Variants in WEE1 observed in about 807,000 individuals in gnomAD.
WEE1 encodes WEE1 G2 checkpoint kinase, also known as wee1-like protein kinase.
In WEE1, 16 loss-of-function variants were observed where a neutral mutation model predicts 68.8. That is an observed-to-expected ratio of 0.23 (90% CI 0.16 to 0.35). WEE1 has a LOEUF of 0.35. WEE1 is among the 10% of genes least tolerant of loss of function. The probability of loss-of-function intolerance (pLI) is 1.00; values close to 1 mark genes in which losing one functional copy is unlikely to be tolerated. For missense variants in WEE1, 651 were observed against 824.1 expected (o/e 0.79, Z 2.57); for synonymous variants, 349 against 318.7 (o/e 1.09, Z -1.01).
In WEE1 at chr11:9,588,866, G is replaced by A; in HGVS notation, c.*264G>A. 1.9e-6 allele frequency: 2 copies of A among 1,057,612 alleles called. No individual in the cohort carries two copies. The highest frequency in any genetic ancestry group is 6.9e-5 in the East Asian group (1 of 14,560). The allele number at this position is 1,057,612 out of a possible 1,614,324, so 65.5% of individuals were successfully genotyped here. A position where few individuals can be genotyped will look rare whatever the true frequency, so the allele number is the denominator to read the frequency against. ...TTCCAGGGTTAACCACTGTGGTGGTGTGCTGCTTATAGTTTGCTGTTGCAT... is the reference window on the plus strand; with the variant it reads ...TTCCAGGGTTAACCACTGTGGTGGTATGCTGCTTATAGTTTGCTGTTGCAT... On this transcript the variant is annotated 3_prime_UTR_variant, in exon 11 of 11. Coordinates refer to ENST00000450114, the MANE Select transcript of WEE1 (RefSeq NM_003390.4).
chr11:9,589,271 T>C lies in WEE1; in HGVS notation c.*669T>C. Reference sequence around the variant, plus strand: ...CTGCTTTTGATGAAAAGCAGCTATTTGCCTTTTTTTTTTTTTCCTTTGAAC... The same window carrying C: ...CTGCTTTTGATGAAAAGCAGCTATTCGCCTTTTTTTTTTTTTCCTTTGAAC... On this transcript the variant is annotated 3_prime_UTR_variant, in exon 11 of 11. Transcript: ENST00000450114. The C allele has an allele frequency of 1.0e-6, 1 of 979,856 alleles. No individual in the cohort carries two copies. Among genetic ancestry groups the C allele is most frequent in the East Asian group, 1.1e-4 (1 of 8,812 alleles). The allele number at this position is 979,856 out of a possible 1,614,324, so 60.7% of individuals were successfully genotyped here.
At chr11:9,585,067 A>C (rs1337033940) in intron 6 of WEE1, 191 bp from the exon 7 acceptor site, 1 of 572,830 alleles carries the variant, frequency 1.7e-6, no homozygotes, top group Non-Finnish European at 3.0e-6. Flanking sequence ...TGTCTCAAAA[A>C]AAAACAAAAA....
In WEE1 at chr11:9,581,565, A is replaced by G. The variant is rs755980888; in HGVS notation, c.1175A>G (p.Tyr392Cys). ...GSLADAISEN[Y>C]RIMSYFKEAE... ...TTAGCTGATGCTATAAGTGAAAACTACAGAATCATGAGTTACTTTAAAGAA... is the reference window on the plus strand; with the variant it reads ...TTAGCTGATGCTATAAGTGAAAACTGCAGAATCATGAGTTACTTTAAAGAA... Residue 392 changes from tyrosine (Y) to cysteine (C), a missense_variant, in exon 6 of 11, where the codon TAC becomes TGC. By Grantham distance (194) the Tyr-to-Cys change is radical. Coordinates refer to ENST00000450114, the MANE Select transcript of WEE1 (RefSeq NM_003390.4). The G allele has an allele frequency of 1.9e-6, 3 of 1,609,952 alleles. No individual in the cohort carries two copies. The highest frequency in any genetic ancestry group is 1.1e-5 in the South Asian group (1 of 90,536).
intron 1 of WEE1, chr11:9,575,665 G>A: frequency 1.8e-6 from 1 of 562,274 alleles, no homozygotes; most frequent in African/African-American, 1.9e-5. Flanking sequence ...TAGGGTTAGA[G>A]GCAGATTTTA....
Position 9,585,340 on chromosome 11 carries a change from T to A in WEE1, c.1371T>A (p.Val457=). The change falls in exon 7 of 11, where the codon GTT becomes GTA. Residue 457 remains valine, a synonymous_variant. Coordinates refer to ENST00000450114, the MANE Select transcript of WEE1 (RefSeq NM_003390.4). ...AAGATGATTGGGCATCCAACAAAGT[T>A]ATGTTTAAAATAGGTAAGAAAGGTA... ...GDEDDWASNK[V]MFKIGDLGHV... is the part of the protein sequence containing the mutation. The A allele has an allele frequency of 6.2e-7, 1 of 1,613,970 alleles. No individual in the cohort carries two copies. Among genetic ancestry groups the A allele is most frequent in the Non-Finnish European group, 8.5e-7 (1 of 1,179,930 alleles).
chr11:9,586,130 A>G (rs772279513), intron 8 of WEE1, among the ~76,000 whole-genome samples: 1 of 152,140 alleles, frequency 6.6e-6, no homozygotes, highest in Non-Finnish European at 1.5e-5. Flanking sequence ...GTGTGTTTCT[A>G]CGTGTTTTGT....
chr11:9,576,625 C>T lies in WEE1; in HGVS notation c.985C>T (p.Arg329Ter). The T allele has an allele frequency of 6.2e-7, 1 of 1,612,564 alleles. No individual in the cohort carries two copies. The highest frequency in any genetic ancestry group is 8.5e-7 in the Non-Finnish European group (1 of 1,179,494). Residue 329 changes from arginine (R) to a stop codon, truncating the protein, a stop_gained, in exon 4 of 11, where the codon CGA becomes TGA. Coordinates refer to ENST00000450114, the MANE Select transcript of WEE1 (RefSeq NM_003390.4). LOFTEE classifies it high-confidence loss of function. This position sits in a 1 kb window ranked among gnomAD's most constrained non-coding sequence, Gnocchi z 4.3. ...RLDGCIYAIK[R>*]SKKPLAGSVD... Reference sequence around the variant, plus strand: ...GGATGGATGCATTTATGCCATTAAGCGATCAAAAAAGCCATTGGCGGGCTC... The same window carrying T: ...GGATGGATGCATTTATGCCATTAAGTGATCAAAAAAGCCATTGGCGGGCTC...
intron 5 of WEE1, chr11:9,578,138 AT>A (rs1438520085): frequency 1.1e-5 from 3 of 279,678 alleles, no homozygotes; most frequent in Admixed American, 5.2e-5. Flanking sequence ...GAAATGAAAA[AT>A]ATCTGTAGTT....
chr11:9,574,428 G>A lies in WEE1; in HGVS notation c.495G>A (p.Ser165=). 1 of 1,217,962 alleles carries A rather than the reference G, an allele frequency of 8.2e-7. No homozygotes were observed. The highest frequency in any genetic ancestry group is 1.0e-6 in the Non-Finnish European group (1 of 984,554). 75.4% of individuals were successfully genotyped at this position (1,217,962 alleles called of 1,614,324 possible). ...GCCGGGCGGGCGAAGGCCGCCGCTC[G>A]CCGCGGCCGGACCACCCGGGCACCC... The part of the protein sequence containing the change: ...GARRAGEGRR[S]PRPDHPGTPP... The change falls in exon 1 of 11, where the codon TCG becomes TCA. Residue 165 remains serine, a synonymous_variant. Coordinates refer to ENST00000450114, the MANE Select transcript of WEE1 (RefSeq NM_003390.4). This position sits in a 1 kb window ranked among gnomAD's most constrained non-coding sequence, Gnocchi z 4.9.
chr11:9,589,012 T>A lies in WEE1; in HGVS notation c.*410T>A, dbSNP rs757591885. The A allele has an allele frequency of 1.5e-5, 15 of 985,770 alleles. No homozygotes were observed. Among genetic ancestry groups the A allele is most frequent in the Non-Finnish European group, 1.8e-5 (15 of 830,044 alleles). 61.1% of individuals were successfully genotyped at this position (985,770 alleles called of 1,614,324 possible). ...AGACTCATTACTACTCAGCCTTCAA[T>A]GTACCTGTGTGTCCATCTTATATTT... On this transcript the variant is annotated 3_prime_UTR_variant, in exon 11 of 11. Transcript: ENST00000450114.
intron 1 of WEE1, chr11:9,575,099 G>A: frequency 2.0e-6 from 2 of 985,420 alleles, no homozygotes; most frequent in African/African-American, 1.7e-5. Context: ...AGTCCAGGCA[G>A]TACTGAGGCC....
rs1849529836 is a variant in WEE1 at position 9,573,726 on chromosome 11, C to CCCGCCTCTGCCGGAAAGTCCGCG, written c.-202_-180dup. 3 of 212,596 alleles carry CCCGCCTCTGCCGGAAAGTCCGCG rather than the reference C, an allele frequency of 1.4e-5. No individual in the cohort carries two copies. Among genetic ancestry groups the CCCGCCTCTGCCGGAAAGTCCGCG allele is most frequent in the Non-Finnish European group, 2.6e-5 (3 of 113,356 alleles). The allele number at this position is 212,596 out of a possible 1,614,324, so 13.2% of individuals were successfully genotyped here. On this transcript the variant is annotated 5_prime_UTR_variant, in exon 1 of 11. Transcript: ENST00000450114. The stretch of plus-strand genomic sequence containing the variant: ...ACCTCAGCCTCGGTGCTCGGGCCGC[C>CCCGCCTCTGCCGGAAAGTCCGCG]CCGCCTCTGCCGGAAAGTCCGCGCC...
At position 9,589,566 on chromosome 11, in the gene WEE1, T is replaced by A; in HGVS notation, c.*964T>A. On this transcript the variant is annotated 3_prime_UTR_variant, in exon 11 of 11. Transcript: ENST00000450114. ...TGAAATGCCAGAATGACTTCTGACA[T>A]TCCAAGTTTTTCACAAAATATATTT... 1 of 985,824 alleles carries A rather than the reference T, an allele frequency of 1.0e-6. No homozygotes were observed. Among genetic ancestry groups the A allele is most frequent in the Non-Finnish European group, 1.2e-6 (1 of 829,932 alleles). 61.1% of individuals were successfully genotyped at this position (985,824 alleles called of 1,614,324 possible).
At chr11:9,575,405 T>G in intron 1 of WEE1, 1 of 995,744 alleles carries the variant, frequency 1.0e-6, no homozygotes, top group Non-Finnish European at 1.2e-6. Context: ...AATGTACTGT[T>G]TGTCATCAGC....
chr11:9,588,974 G>C lies in WEE1; in HGVS notation c.*372G>C. The C allele has an allele frequency of 2.0e-6, 2 of 987,432 alleles. No homozygotes were observed. The highest frequency in any genetic ancestry group is 2.4e-6 in the Non-Finnish European group (2 of 830,950). The allele number at this position is 987,432 out of a possible 1,614,324, so 61.2% of individuals were successfully genotyped here. ...TACAGACATACCCTCCCTTTGAAAA[G>C]GGACATGCTAAAAGACTCATTACTA... On this transcript the variant is annotated 3_prime_UTR_variant, in exon 11 of 11. Coordinates refer to ENST00000450114, the MANE Select transcript of WEE1 (RefSeq NM_003390.4).
chr11:9,589,205 T>TAATAGGTA lies in WEE1; in HGVS notation c.*610_*611insAAATAGGT, dbSNP rs1372960258. 32 of 985,696 alleles carry TAATAGGTA rather than the reference T, an allele frequency of 3.2e-5. No homozygotes were observed. Among genetic ancestry groups the TAATAGGTA allele is most frequent in the Non-Finnish European group, 3.4e-5 (28 of 829,896 alleles). 61.1% of individuals were successfully genotyped at this position (985,696 alleles called of 1,614,324 possible). A position where few individuals can be genotyped will look rare whatever the true frequency, so the allele number is the denominator to read the frequency against. ...TGTAGCATTAAACAATCATTGTTGT[T>TAATAGGTA]AATAGGTCTTCTTTTTGAAACAATT... is the stretch of plus-strand genomic sequence containing the variant. On this transcript the variant is annotated 3_prime_UTR_variant, in exon 11 of 11. Transcript: ENST00000450114.
Position 9,576,233 on chromosome 11 carries a change from C to T in WEE1, c.786C>T (p.Ser262=). 6.5e-7 allele frequency: 1 copy of T among 1,530,118 alleles called. No individual in the cohort carries two copies. Among genetic ancestry groups the T allele is most frequent in the Non-Finnish European group, 8.9e-7 (1 of 1,126,762 alleles). 94.8% of individuals were successfully genotyped at this position (1,530,118 alleles called of 1,614,324 possible). A position where few individuals can be genotyped will look rare whatever the true frequency, so the allele number is the denominator to read the frequency against. ...RRRKRTYWND[S]CGEDMEASDY... Reference sequence around the variant, plus strand: ...AGAAAAATAACATTTTTTTTAGTTCCTGTGGTGAAGACATGGAAGCCAGTG... The same window carrying T: ...AGAAAAATAACATTTTTTTTAGTTCTTGTGGTGAAGACATGGAAGCCAGTG... The change falls in exon 3 of 11, where the codon TCC becomes TCT. Residue 262 remains serine, a synonymous_variant. Coordinates refer to ENST00000450114, the MANE Select transcript of WEE1 (RefSeq NM_003390.4). This position sits in a 1 kb window ranked among gnomAD's most constrained non-coding sequence, Gnocchi z 4.3.
rs1045938382 is a variant in WEE1, at chr11:9,574,331, T to G, written c.398T>G (p.Phe133Cys). 4 of 1,273,302 alleles carry G rather than the reference T, an allele frequency of 3.1e-6. No homozygotes were observed. The African/African-American group carries it at 4.7e-5, about 15-fold the overall frequency. The allele number at this position is 1,273,302 out of a possible 1,614,324, so 78.9% of individuals were successfully genotyped here. Residue 133 changes from phenylalanine (F) to cysteine (C), a missense_variant, in exon 1 of 11, where the codon TTC becomes TGC. Physicochemically the swap from Phe to Cys is radical, Grantham distance 205 (BLOSUM62 -2). Transcript: ENST00000450114. The surrounding 1 kb of genome is among the most constrained non-coding windows in gnomAD (Gnocchi z 4.9). The stretch of plus-strand genomic sequence containing the variant: ...GTCAAGTCGCCGGCGGCCCCCTACT[T>G]CCTGGGTAGCTCTTTCTCGCCGGTG... ...SPVKSPAAPY[F>C]LGSSFSPVRC...
Position 9,586,430 on chromosome 11 carries a change from A to C in WEE1, c.1471-19A>C, listed in dbSNP as rs746718062. On this transcript the variant is annotated intron_variant, in intron 8 of 10. Coordinates refer to ENST00000450114, the MANE Select transcript of WEE1 (RefSeq NM_003390.4). ...TGACCATGTTTACATTCCTTTAAAA[A>C]ATTGTTTTAATTTTACAGAATTATA... 1 of 1,596,936 alleles carries C rather than the reference A, an allele frequency of 6.3e-7. No individual in the cohort carries two copies. Among genetic ancestry groups the C allele is most frequent in the East Asian group, 2.2e-5 (1 of 44,688 alleles).
Sources: gnomAD v4.1 joint callset for allele counts (sites outside exome capture counted in the v4.1 genomes callset) on GRCh38, gnomAD v4.1.1 for gene constraint, Gnocchi (gnomAD v3.1) non-coding constraint, MANE v1.5 for transcripts, NCBI Gene and HGNC (gene_info 2026-07-23, HGNC 2026-07-21) for gene names.